MTMR3: variants seen among roughly 807,000 people sequenced by gnomAD.
MTMR3 encodes myotubularin related protein 3.
Under a neutral mutation model 132.4 loss-of-function variants are expected in MTMR3, and 32 were observed. The observed-to-expected ratio is 0.24, with a 90% confidence interval of 0.18 to 0.32. The LOEUF (loss-of-function observed/expected upper bound fraction) is 0.32, where lower values mean the gene tolerates loss of function less well. MTMR3 is among the 10% of genes least tolerant of loss of function. The pLI, the probability that MTMR3 is intolerant of heterozygous loss-of-function variation, is 1.00. For synonymous variants in MTMR3, 556 were observed against 550.3 expected (o/e 1.01, Z -0.14); for missense variants, 1,216 against 1,489.6 (o/e 0.82, Z 3.02).
At chr22:29,956,662 A>G (rs1404871352) in intron 1 of MTMR3, among the ~76,000 whole-genome samples, 1 of 152,172 alleles carries the variant, frequency 6.6e-6, no homozygotes, top group Non-Finnish European at 1.5e-5. Context: ...CCAAGCCTGG[A>G]GTGTCTGTGA....
rs1370179595 is a variant in MTMR3, at chr22:30,007,324, G to T, written c.877+5G>T. On this transcript the variant is annotated splice_donor_5th_base_variant and intron_variant, in intron 10 of 19. Transcript: ENST00000401950. ...ACCTTTCTGACGTGGAGTTCGGTAA[G>T]GTGCTCCCTGGACCCATGGCAATGA... 6.2e-7 allele frequency: 1 copy of T among 1,613,702 alleles called. No homozygotes were observed. Among genetic ancestry groups the T allele is most frequent in the Non-Finnish European group, 8.5e-7 (1 of 1,179,770 alleles).
chr22:29,982,562 A>G (rs951829087), intron 5 of MTMR3: 1 of 152,256 alleles, frequency 6.6e-6, no homozygotes, highest in Admixed American at 6.5e-5. Flanking sequence ...ATGTTGTGGC[A>G]TGCCCCAGTT....
rs996844908 is a variant in MTMR3, at chr22:30,028,032, A to G, written c.*2231A>G. 2 of 152,324 alleles carry G rather than the reference A, an allele frequency of 1.3e-5. No homozygotes were observed. The highest frequency in any genetic ancestry group is 2.9e-5 in the Non-Finnish European group (2 of 68,028). The allele number at this position is 152,324 out of a possible 1,614,324, so 9.4% of individuals were successfully genotyped here. On this transcript the variant is annotated 3_prime_UTR_variant, in exon 20 of 20. Coordinates refer to ENST00000401950, the MANE Select transcript of MTMR3 (RefSeq NM_021090.4). ...GGCAAGGAGCCTCACCATGATGTTC[A>G]AGCACTGAACGCATTTCCTCAGTGA...
At chr22:30,010,881 T>C (rs1393971599) in intron 12 of MTMR3, 1 of 152,210 alleles carries the variant, frequency 6.6e-6, no homozygotes, top group Non-Finnish European at 1.5e-5. Flanking sequence ...ATTGGATTTT[T>C]ACCCATAACA....
At chr22:29,920,560 T>G (rs2065390810) in intron 1 of MTMR3, among the ~76,000 whole-genome samples, 1 of 152,216 alleles carries the variant, frequency 6.6e-6, no homozygotes, top group Admixed American at 6.5e-5. Context: ...ATTTTATATT[T>G]ACATGACAAA....
At chr22:30,025,399 G>T (rs2067890638) in intron 19 of MTMR3, 2 of 567,606 alleles carry the variant, frequency 3.5e-6, no homozygotes, top group Non-Finnish European at 3.2e-6. Flanking sequence ...TGAGTCAGTG[G>T]TGAGGCAGCC....
chr22:29,996,520 G>C (rs2067062801), intron 7 of MTMR3: 2 of 152,184 alleles, frequency 1.3e-5, no homozygotes, highest in South Asian at 4.1e-4. Flanking sequence ...TAATGTAAAA[G>C]ATCATTAATG....
At chr22:29,903,996 G>A (rs1354184988) in intron 1 of MTMR3, among the ~76,000 whole-genome samples, 1 of 152,112 alleles carries the variant, frequency 6.6e-6, no homozygotes, top group African/African-American at 2.4e-5. Flanking sequence ...TACCTGCCTG[G>A]AAATACCTGC....
At chr22:29,916,264 G>A (rs114128003) in intron 1 of MTMR3, among the ~76,000 whole-genome samples, 1 of 152,174 alleles carries the variant, frequency 6.6e-6, no homozygotes, top group East Asian at 1.9e-4. Flanking sequence ...GTAAACTCTG[G>A]TAGTTGTGTT....
intron 1 of MTMR3, among the ~76,000 whole-genome samples, chr22:29,916,158 TG>T (rs2065303853): frequency 6.6e-6 from 1 of 152,226 alleles, no homozygotes; most frequent in Admixed American, 6.5e-5. Flanking sequence ...GAGGAGCCTT[TG>T]CCCTCGGGCT....
chr22:29,920,103 A>T (rs182652706), intron 1 of MTMR3, among the ~76,000 whole-genome samples: 9 of 151,730 alleles, frequency 5.9e-5, no homozygotes, highest in Admixed American at 3.3e-4. Context: ...AGTCCCAGCT[A>T]CTCGGGAGGC....
At chr22:29,963,148 T>C (rs987457332) in intron 2 of MTMR3, among the ~76,000 whole-genome samples, 1 of 152,138 alleles carries the variant, frequency 6.6e-6, no homozygotes, top group African/African-American at 2.4e-5. Context: ...TGTTTTGCCA[T>C]GTTGCCCGGG....
chr22:30,010,771 T>C (rs1329331989), intron 12 of MTMR3: 2 of 152,204 alleles, frequency 1.3e-5, no homozygotes, highest in Non-Finnish European at 2.9e-5. Context: ...AAGCCTTATC[T>C]TTTAGTTCCT....
At chr22:29,915,575 C>T (rs1046930599) in intron 1 of MTMR3, among the ~76,000 whole-genome samples, 2 of 152,194 alleles carry the variant, frequency 1.3e-5, no homozygotes, top group African/African-American at 4.8e-5. Context: ...GCGCCTGCCA[C>T]CATGCCCGGC....
At chr22:29,970,951 T>TTCCCCTCTTCCCCCCCCC in intron 2 of MTMR3, 25 bp from the exon 3 acceptor site, 1 of 680,380 alleles carries the variant, frequency 1.5e-6, no homozygotes. Context: ...TTTTTCTTCT[T>TTCCCCTCTTCCCCCCCCC]CCCCCTCTTC....
intron 18 of MTMR3, 34 bp from the exon 19 acceptor site, chr22:30,022,575 T>G: frequency 6.3e-7 from 1 of 1,590,564 alleles, no homozygotes; most frequent in South Asian, 1.1e-5. Context: ...ATGGCCCATC[T>G]CCTGTCAGTA....
intron 5 of MTMR3, chr22:29,982,257 G>T (rs1409167890): frequency 8.2e-6 from 1 of 122,170 alleles, no homozygotes; most frequent in Non-Finnish European, 1.7e-5. Context: ...GATTGAGAGA[G>T]ACTAGAACTC....
At chr22:29,915,597 T>G (rs1020238675) in intron 1 of MTMR3, among the ~76,000 whole-genome samples, 7 of 152,144 alleles carry the variant, frequency 4.6e-5, no homozygotes, top group Non-Finnish European at 1.5e-5. Context: ...AATTTTTGTA[T>G]ATTTTATGTT....
At chr22:29,949,152 C>A (rs1424708252) in intron 1 of MTMR3, among the ~76,000 whole-genome samples, 635 of 59,830 alleles carry the variant, frequency 0.011, 47 homozygotes, top group African/African-American at 0.029. Context: ...CACCCCCCCC[C>A]CCCCCCCCGA....
Sources: gnomAD v4.1 joint callset for allele counts (sites outside exome capture counted in the v4.1 genomes callset) on GRCh38, gnomAD v4.1.1 for gene constraint, MANE v1.5 for transcripts, NCBI Gene and HGNC (gene_info 2026-07-23, HGNC 2026-07-21) for gene names.